Variants in SEC14L6 observed in about 807,000 individuals in gnomAD.
The protein encoded by SEC14L6 is SEC14 like lipid binding 6, also known as SEC14-like protein 6.
SEC14L6 carries 40 observed loss-of-function variants against 54.1 expected under a neutral mutation model. That is an observed-to-expected ratio of 0.74 (90% CI 0.57 to 0.96). SEC14L6 has a LOEUF of 0.96. Ranked by LOEUF, SEC14L6 falls within the 40% of genes least tolerant of loss-of-function variation. The probability of loss-of-function intolerance (pLI) is 0.00; values close to 1 mark genes in which losing one functional copy is unlikely to be tolerated. For synonymous variants in SEC14L6, 171 were observed against 198.4 expected (o/e 0.86, Z 1.16); for missense variants, 471 against 498.3 (o/e 0.95, Z 0.52).
chr22:30,543,813 G>A lies in SEC14L6; in HGVS notation c.54+2816C>T, dbSNP rs145316540. On this transcript the variant is annotated intron_variant, in intron 1 of 11. Transcript: ENST00000402034. Reference sequence around the variant, plus strand: ...CTACAAGGTTGCATGAACCCGAGAAGAATGCCAGAAAAATAACCCAGGACA... The same window carrying A: ...CTACAAGGTTGCATGAACCCGAGAAAAATGCCAGAAAAATAACCCAGGACA... The A allele has an allele frequency of 1.7e-5, 26 of 1,506,972 alleles. No individual in the cohort carries two copies. The East Asian group carries it at 5.9e-4, about 34-fold the overall frequency. 93.4% of individuals were successfully genotyped at this position (1,506,972 alleles called of 1,614,324 possible). A position where few individuals can be genotyped will look rare whatever the true frequency, so the allele number is the denominator to read the frequency against.
intron 6 of SEC14L6, among the ~76,000 whole-genome samples, chr22:30,530,589 G>C (rs1473336614): frequency 2.0e-5 from 3 of 152,158 alleles, no homozygotes; most frequent in Admixed American, 2.0e-4. Flanking sequence ...TGTAGAGATA[G>C]GGTCTTGCTA....
At chr22:30,546,573 TC>T in intron 1 of SEC14L6, 55 bp downstream of exon 1, 6 of 1,489,670 alleles carry the variant, frequency 4.0e-6, no homozygotes, top group Non-Finnish European at 5.5e-6. Flanking sequence ...GTCCTGCCCT[TC>T]CCCGTGGCAG....
chr22:30,533,034 A>G (rs1209421233), intron 3 of SEC14L6, 178 bp from the exon 4 acceptor site: 14 of 985,264 alleles, frequency 1.4e-5, no homozygotes, highest in Non-Finnish European at 1.7e-5. Flanking sequence ...GGAAGGGGAC[A>G]TGCATCTGAG....
intron 2 of SEC14L6, among the ~76,000 whole-genome samples, chr22:30,535,844 G>A (rs146777890): frequency 2.4e-4 from 36 of 151,690 alleles, no homozygotes; most frequent in Non-Finnish European, 4.1e-4. Flanking sequence ...CCCAGTAGCT[G>A]GGAACACAGG....
chr22:30,528,580 T>C (rs776056052), intron 8 of SEC14L6, among the ~76,000 whole-genome samples: 44 of 151,806 alleles, frequency 2.9e-4, no homozygotes, highest in Non-Finnish European at 6.0e-4. Context: ...TGCACCACCA[T>C]GCCTGGCTAA....
At chr22:30,542,996 C>G in intron 1 of SEC14L6, 1 of 1,602,250 alleles carries the variant, frequency 6.2e-7, no homozygotes, top group East Asian at 2.2e-5. Flanking sequence ...ACTGAGCTGT[C>G]TGTGCGTGCC....
intron 1 of SEC14L6, among the ~76,000 whole-genome samples, chr22:30,540,069 G>C (rs1408102575): frequency 6.6e-6 from 1 of 152,200 alleles, no homozygotes; most frequent in Non-Finnish European, 1.5e-5. Context: ...GCCCCAGATG[G>C]ATCCTCAAAA....
Position 30,524,895 on chromosome 22 carries a change from T to A in SEC14L6, c.*102A>T, listed in dbSNP as rs778217351. On this transcript the variant is annotated 3_prime_UTR_variant, in exon 12 of 12. Transcript: ENST00000402034. ...TAGGCTGTGACCTGCTGTTGTAGAA[T>A]CCCTGTTCCTGAGAGGTTGAACAGG... 5 of 690,914 alleles carry A rather than the reference T, an allele frequency of 7.2e-6. No homozygotes were observed. Among genetic ancestry groups the A allele is most frequent in the African/African-American group, 1.8e-5 (1 of 56,672 alleles). The allele number at this position is 690,914 out of a possible 1,614,324, so 42.8% of individuals were successfully genotyped here.
chr22:30,532,048 CCCAT>C, intron 5 of SEC14L6, 50 bp from the exon 6 acceptor site: 2 of 1,536,624 alleles, frequency 1.3e-6, no homozygotes. Context: ...ACTGCCCCCA[CCCAT>C]CCAAGATGGG....
At chr22:30,532,979 A>T in intron 3 of SEC14L6, 123 bp from the exon 4 acceptor site, 1 of 1,508,564 alleles carries the variant, frequency 6.6e-7, no homozygotes, top group Non-Finnish European at 8.9e-7. Context: ...GAGCATCCCC[A>T]GGCTCCACTG....
intron 1 of SEC14L6, among the ~76,000 whole-genome samples, chr22:30,541,509 A>T (rs2146298462): frequency 6.6e-6 from 1 of 152,296 alleles, no homozygotes; most frequent in East Asian, 1.9e-4. Flanking sequence ...AAATACAAAG[A>T]TTAGCCAGGT....
chr22:30,546,244 G>A (rs148780410), intron 1 of SEC14L6, among the ~76,000 whole-genome samples: 106 of 151,912 alleles, frequency 7.0e-4, no homozygotes, highest in African/African-American at 2.3e-3. Context: ...TTAGCCAGGC[G>A]TGGTAGCAGG....
At chr22:30,537,431 A>G (rs937964743) in intron 2 of SEC14L6, among the ~76,000 whole-genome samples, 5 of 152,156 alleles carry the variant, frequency 3.3e-5, no homozygotes, top group Non-Finnish European at 7.4e-5. Context: ...CCTGAGCAAC[A>G]TGGCGAAACC....
rs1188798952 is a variant in SEC14L6 at position 30,546,648 on chromosome 22, T to G, written c.35A>C (p.Gln12Pro). ...SGQVGDLSPS[Q>P]EKSLAQFREN... The stretch of plus-strand genomic sequence containing the variant: ...ACTCACCTGGGCCAGCGACTTCTCC[T>G]GCGATGGGCTCAGGTCACCCACTTG... The change falls in exon 1 of 12, where the codon CAG becomes CCG. Residue 12 changes from glutamine to proline, a missense_variant. By Grantham distance (76) the Gln-to-Pro change is moderately conservative (BLOSUM62 -1). Transcript: ENST00000402034. 4.5e-6 allele frequency: 7 copies of G among 1,550,510 alleles called. No homozygotes were observed. The highest frequency in any genetic ancestry group is 6.1e-6 in the Non-Finnish European group (7 of 1,146,938).
chr22:30,533,895 A>G, intron 3 of SEC14L6, 101 bp downstream of exon 3: 1 of 1,117,180 alleles, frequency 9.0e-7, no homozygotes, highest in Non-Finnish European at 1.3e-6. Context: ...TGGGTGTTCC[A>G]TGAATGAATG....
At chr22:30,543,682 A>G (rs555407697) in intron 1 of SEC14L6, 3 of 1,611,590 alleles carry the variant, frequency 1.9e-6, no homozygotes, top group South Asian at 1.1e-5. Flanking sequence ...TGAACAGAAC[A>G]TCTATATTGT....
chr22:30,539,086 C>A (rs1399207990), intron 1 of SEC14L6, among the ~76,000 whole-genome samples, 184 bp from the exon 2 acceptor site: 1 of 152,062 alleles, frequency 6.6e-6, no homozygotes, highest in Non-Finnish European at 1.5e-5. Flanking sequence ...ATATAAAGAA[C>A]CAACTACAGG....
At chr22:30,541,568 G>C (rs1166980604) in intron 1 of SEC14L6, among the ~76,000 whole-genome samples, 1 of 152,074 alleles carries the variant, frequency 6.6e-6, no homozygotes, top group Non-Finnish European at 1.5e-5. Flanking sequence ...CTGAGGCAGA[G>C]AGTCATTTGA....
intron 1 of SEC14L6, chr22:30,544,203 C>T: frequency 1.4e-6 from 1 of 699,096 alleles, no homozygotes; most frequent in Non-Finnish European, 2.3e-6. Context: ...GGCTCTGGGA[C>T]CCAGGGGCCA....
Sources: allele counts gnomAD v4.1 joint callset (sites outside exome capture counted in the v4.1 genomes callset), GRCh38; gene constraint gnomAD v4.1.1; transcripts MANE v1.5; gene names NCBI Gene and HGNC (gene_info 2026-07-23, HGNC 2026-07-21).